CDK13: variants seen among roughly 807,000 people sequenced by gnomAD.
CDK13 encodes the protein cyclin dependent kinase 13, also known as cyclin-dependent kinase 13.
A neutral mutation model predicts 137.6 loss-of-function variants in CDK13; 40 were observed. The ratio of observed to expected loss-of-function variants is 0.29; its 90% CI spans 0.23 to 0.38. The LOEUF (loss-of-function observed/expected upper bound fraction) is 0.38, where lower values mean the gene tolerates loss of function less well. Ranked by LOEUF, CDK13 falls within the 10% of genes least tolerant of loss-of-function variation. The probability of loss-of-function intolerance (pLI) is 1.00; values close to 1 mark genes in which losing one functional copy is unlikely to be tolerated. For synonymous variants in CDK13, 869 were observed against 760.1 expected, an observed-to-expected ratio of 1.14 and a Z score of -2.36; for missense variants, 1,704 against 1,951.8, an observed-to-expected ratio of 0.87 and a Z score of 2.39.
In CDK13 at chr7:40,094,679, A is replaced by G. The variant is rs933559301; in HGVS notation, c.4238A>G (p.Asn1413Ser). 4.3e-6 allele frequency: 7 copies of G among 1,614,106 alleles called. No individual in the cohort carries two copies. In the East Asian group the frequency reaches 6.7e-5, roughly 15 times the overall value. Residue 1413 changes from asparagine (N) to serine (S), a missense_variant, in exon 14 of 14, where the codon AAT becomes AGT. Coordinates refer to ENST00000181839, the MANE Select transcript of CDK13 (RefSeq NM_003718.5). ...GCTGGATATGGAGACATTTACCTCA[A>G]TGCTGGTCCCATGTTGTTTAGTGGA... ...SVAGYGDIYL[N>S]AGPMLFSGDK...
At chr7:39,998,699 C>G (rs920286923) in intron 3 of CDK13, 1 of 151,992 alleles carries the variant, frequency 6.6e-6, no homozygotes, top group African/African-American at 2.4e-5. Flanking sequence ...ACTTGAATTT[C>G]TGTGATTTAC....
At position 39,951,611 on chromosome 7, in the gene CDK13, G is replaced by C. The variant is rs1787210939; in HGVS notation, c.970G>C (p.Asp324His). The C allele has an allele frequency of 6.8e-7, 1 of 1,481,398 alleles. No homozygotes were observed. 91.8% of individuals were successfully genotyped at this position (1,481,398 alleles called of 1,614,324 possible). ...CCTCAGCCCACTGGGAGGCCGGGAC[G>C]ACAGCCCGGTGTCCCACAGGGCCTC... Reference protein sequence around the residue: ...RSLSPLGGRDDSPVSHRASQS... With the variant: ...RSLSPLGGRDHSPVSHRASQS... The change falls in exon 1 of 14, where the codon GAC becomes CAC. Residue 324 changes from aspartate (D) to histidine (H), a missense_variant. This residue lies in a region of CDK13 where 1,051 missense variants were observed against 931.0 expected (regional missense o/e 1.13). Coordinates refer to ENST00000181839, the MANE Select transcript of CDK13 (RefSeq NM_003718.5).
At chr7:39,993,579 AT>A (rs1294807010) in intron 2 of CDK13, among the ~76,000 whole-genome samples, 4 of 152,096 alleles carry the variant, frequency 2.6e-5, no homozygotes, top group African/African-American at 7.2e-5. Context: ...TTTTATTATT[AT>A]TTTTAAAATT....
At chr7:40,029,620 TGAGAGA>T (rs371626943) in intron 5 of CDK13, among the ~76,000 whole-genome samples, 15 of 145,922 alleles carry the variant, frequency 1.0e-4, no homozygotes, top group African/African-American at 2.3e-4. Flanking sequence ...CTCGGGAGGC[TGAGAGA>T]GAGAGAGAGA....
At chr7:39,996,342 A>G (rs1784559999) in intron 2 of CDK13, among the ~76,000 whole-genome samples, 1 of 152,222 alleles carries the variant, frequency 6.6e-6, no homozygotes, top group Non-Finnish European at 1.5e-5. Flanking sequence ...TTTTATTATC[A>G]TTATGAGATT....
Position 39,999,353 on chromosome 7 carries a change from T to A in CDK13, c.2043-8T>A. 1 of 1,601,990 alleles carries A rather than the reference T, an allele frequency of 6.2e-7. No individual in the cohort carries two copies. The highest frequency in any genetic ancestry group is 2.2e-5 in the East Asian group (1 of 44,672). On this transcript the variant is annotated splice_polypyrimidine_tract_variant and splice_region_variant and intron_variant, in intron 3 of 13. Coordinates refer to ENST00000181839, the MANE Select transcript of CDK13 (RefSeq NM_003718.5). ...TGTATATAAAAACTTTAGAACTATA[T>A]TTGATAGAATATGTGGGCCTCGCTA... is the stretch of plus-strand genomic sequence containing the variant.
At chr7:39,971,291 C>T (rs558663602) in intron 1 of CDK13, among the ~76,000 whole-genome samples, 15 of 150,398 alleles carry the variant, frequency 1.0e-4, no homozygotes, top group Admixed American at 6.6e-4. Flanking sequence ...GCTAGGGCAG[C>T]AGATCAACTG....
chr7:40,058,449 G>T (rs997189427), intron 7 of CDK13, among the ~76,000 whole-genome samples: 2 of 151,938 alleles, frequency 1.3e-5, no homozygotes, highest in Non-Finnish European at 2.9e-5. Flanking sequence ...CAGGAGAATT[G>T]CTTGAATCCA....
At chr7:40,073,309 A>G (rs1471374910) in intron 9 of CDK13, among the ~76,000 whole-genome samples, 2 of 152,222 alleles carry the variant, frequency 1.3e-5, no homozygotes, top group African/African-American at 2.4e-5. Context: ...TAAAACTGGT[A>G]GGAACCCTAC....
intron 9 of CDK13, among the ~76,000 whole-genome samples, 161 bp downstream of exon 9, chr7:40,063,261 A>C (rs553410884): frequency 6.6e-6 from 1 of 152,250 alleles, no homozygotes; most frequent in African/African-American, 2.4e-5. Flanking sequence ...AGGCACTTTG[A>C]TACTTGTTCC....
intron 2 of CDK13, among the ~76,000 whole-genome samples, chr7:39,994,444 G>A (rs548842811): frequency 6.6e-6 from 1 of 151,894 alleles, no homozygotes; most frequent in East Asian, 1.9e-4. Context: ...TTAACATATT[G>A]TATTTGTCAG....
rs767551832 is a variant in CDK13, at chr7:40,062,892, A to G, written c.2667A>G (p.Glu889=). The G allele has an allele frequency of 1.2e-6, 2 of 1,613,902 alleles. No homozygotes were observed. Among genetic ancestry groups the G allele is most frequent in the African/African-American group, 2.7e-5 (2 of 74,932 alleles). ...CACCTGAACTGCTACTGGGAGAAGA[A>G]CGATACACACCAGCCATTGATGTAT... ...YRPPELLLGE[E]RYTPAIDVWS... The change falls in exon 8 of 14, where the codon GAA becomes GAG. Residue 889 remains glutamate (E), a synonymous_variant. Transcript: ENST00000181839.
At chr7:39,952,875 T>C (rs1056226905) in intron 1 of CDK13, 7 of 152,216 alleles carry the variant, frequency 4.6e-5, no homozygotes, top group African/African-American at 1.4e-4. Context: ...CCTTAAAATA[T>C]ACTTATCCAC....
Position 39,950,335 on chromosome 7 carries a change from A to C in CDK13, c.-307A>C. 8.7e-7 allele frequency: 1 copy of C among 1,148,532 alleles called. No homozygotes were observed. Among genetic ancestry groups the C allele is most frequent in the Non-Finnish European group, 1.1e-6 (1 of 935,194 alleles). 71.1% of individuals were successfully genotyped at this position (1,148,532 alleles called of 1,614,324 possible). On this transcript the variant is annotated 5_prime_UTR_variant, in exon 1 of 14. Transcript: ENST00000181839. ...CCCGGGGGCACTTGGAGGACTCGGGACTCCCCCGCAGGTCAGCGCCCGGCG... is the reference window on the plus strand; with the variant it reads ...CCCGGGGGCACTTGGAGGACTCGGGCCTCCCCCGCAGGTCAGCGCCCGGCG...
chr7:39,976,549 T>C (rs990732241), intron 1 of CDK13, among the ~76,000 whole-genome samples: 1 of 151,960 alleles, frequency 6.6e-6, no homozygotes, highest in Non-Finnish European at 1.5e-5. Context: ...TGAGGGTTAG[T>C]GTGGTATACA....
chr7:39,960,277 G>T (rs1367577816), intron 1 of CDK13, among the ~76,000 whole-genome samples: 1 of 149,184 alleles, frequency 6.7e-6, no homozygotes, highest in Non-Finnish European at 1.5e-5. Context: ...ATGGAGTCTC[G>T]CTCTGTCACC....
intron 1 of CDK13, among the ~76,000 whole-genome samples, chr7:39,954,618 C>A (rs556411424): frequency 4.1e-4 from 62 of 152,254 alleles, no homozygotes; most frequent in Middle Eastern, 3.4e-3. Flanking sequence ...AAACTTCATT[C>A]AAAATATTTA....
chr7:39,976,321 T>TCACA (rs1248415358), intron 1 of CDK13, among the ~76,000 whole-genome samples: 49 of 36,008 alleles, frequency 1.4e-3, no homozygotes, highest in Middle Eastern at 0.017. Context: ...TCTCTCTCTC[T>TCACA]CTCACACACA....
Position 40,087,609 on chromosome 7 carries a change from C to T in CDK13, c.3030-517C>T, listed in dbSNP as rs367778960. Among the ~76,000 whole-genome samples, 59 of 133,318 alleles carry T rather than the reference C, an allele frequency of 4.4e-4. 1 individual carries two copies. In the South Asian group the frequency reaches 0.013, roughly 30 times the overall value. 87.5% of individuals were successfully genotyped at this position (133,318 alleles called of 152,430 possible). Reference sequence around the variant, plus strand: ...TGTCACCCAGGCTGGAGTGCAGTGGCGCAATCTCGGCTCACCGCAACCTCC... The same window carrying T: ...TGTCACCCAGGCTGGAGTGCAGTGGTGCAATCTCGGCTCACCGCAACCTCC... On this transcript the variant is annotated intron_variant, in intron 11 of 13. Coordinates refer to ENST00000181839, the MANE Select transcript of CDK13 (RefSeq NM_003718.5).
Sources: gnomAD v4.1 joint callset for allele counts (sites outside exome capture counted in the v4.1 genomes callset) on GRCh38, gnomAD v4.1.1 for gene constraint, gnomAD v4.1.1 regional missense constraint, MANE v1.5 for transcripts, NCBI Gene and HGNC (gene_info 2026-07-23, HGNC 2026-07-21) for gene names.